The following IGF2R variants were observed in gnomAD, a reference collection of about 807,000 sequenced individuals.
IGF2R encodes the protein insulin like growth factor 2 receptor, also known as cation-independent mannose-6-phosphate receptor.
Under a neutral mutation model 270.6 loss-of-function variants are expected in IGF2R, and 91 were observed. The ratio of observed to expected loss-of-function variants is 0.34; its 90% CI spans 0.28 to 0.40. The LOEUF is 0.40. IGF2R is among the 10% of genes least tolerant of loss of function. The pLI is 1.00. For synonymous variants in IGF2R, 1,316 were observed against 1,258.9 expected (o/e 1.05, Z -0.96); for missense variants, 2,805 against 3,188.3 (o/e 0.88, Z 2.90).
At chr6:160,021,380 G>A (rs1562346096) in intron 4 of IGF2R, among the ~76,000 whole-genome samples, 1 of 145,816 alleles carries the variant, frequency 6.9e-6, no homozygotes, top group Admixed American at 7.1e-5. Context: ...ACTCATAGGT[G>A]GGAATTGAAC....
At position 160,047,814 on chromosome 6, in the gene IGF2R, A is replaced by C. The variant is rs768041177; in HGVS notation, c.2252A>C (p.Asn751Thr). Residue 751 changes from asparagine to threonine, a missense_variant, in exon 17 of 48, where the codon AAC becomes ACC. Physicochemically the swap from Asn to Thr is moderately conservative, Grantham distance 65. Coordinates refer to ENST00000356956, the MANE Select transcript of IGF2R (RefSeq NM_000876.4). ...TAGGAAGAGGATAACTCCACCTACA[A>C]CTTCCGGTGGTACACCAGCTATGCC... is the stretch of plus-strand genomic sequence containing the variant. ...EYQEEDNSTY[N>T]FRWYTSYACP... is the part of the protein sequence containing the mutation. The C allele has an allele frequency of 1.9e-6, 3 of 1,613,556 alleles. No homozygotes were observed. Among genetic ancestry groups the C allele is most frequent in the Middle Eastern group, 1.7e-4 (1 of 6,060 alleles).
rs376827974 is a variant in IGF2R, at chr6:160,089,295, A to G, written c.6467+42A>G. 111 of 1,560,606 alleles carry G rather than the reference A, an allele frequency of 7.1e-5. No individual in the cohort carries two copies. The Middle Eastern group carries it at 7.3e-4, about 10-fold the overall frequency. ...CCTTCTGAGCTGTGAAATGTGTTCA[A>G]AATTAAACCAGCAATGCCGCTCTTT... On this transcript the variant is annotated intron_variant, in intron 43 of 47. Coordinates refer to ENST00000356956, the MANE Select transcript of IGF2R (RefSeq NM_000876.4).
chr6:160,003,004 A>G (rs376611543), intron 2 of IGF2R, among the ~76,000 whole-genome samples: 33 of 152,332 alleles, frequency 2.2e-4, no homozygotes, highest in East Asian at 1.2e-3. Flanking sequence ...ACTAAGGAAC[A>G]GTGTTAATTG....
chr6:160,024,502 A>G lies in IGF2R; in HGVS notation c.514-70A>G, dbSNP rs1041264528. 2.8e-6 allele frequency: 4 copies of G among 1,453,686 alleles called. No homozygotes were observed. In the African/African-American group the frequency reaches 5.6e-5, roughly 20 times the overall value. The allele number at this position is 1,453,686 out of a possible 1,614,324, so 90.0% of individuals were successfully genotyped here. A position where few individuals can be genotyped will look rare whatever the true frequency, so the allele number is the denominator to read the frequency against. ...GGAATGGAGAGCAGTGTTGTGTGAC[A>G]TTGGTCATAAGCTTTTCTGATTGAC... is the stretch of plus-strand genomic sequence containing the variant. On this transcript the variant is annotated intron_variant, in intron 4 of 47. Transcript: ENST00000356956.
Position 160,096,523 on chromosome 6 carries a change from A to G in IGF2R, c.6740A>G (p.His2247Arg). The change falls in exon 45 of 48, where the codon CAC becomes CGC. Residue 2247 changes from histidine (H) to arginine (R), a missense_variant. Coordinates refer to ENST00000356956, the MANE Select transcript of IGF2R (RefSeq NM_000876.4). ...TCTGTTTCTTCCACCATCTTCTTCC[A>G]CTGTGACCCTCTGGTGGAGGACGGG... ...TKSVSSTIFF[H>R]CDPLVEDGIP... The G allele has an allele frequency of 6.2e-7, 1 of 1,614,022 alleles. No individual in the cohort carries two copies. The highest frequency in any genetic ancestry group is 8.5e-7 in the Non-Finnish European group (1 of 1,179,980).
At chr6:159,980,284 A>G (rs761388) in intron 1 of IGF2R, among the ~76,000 whole-genome samples, 25,117 of 150,628 alleles carry the variant, frequency 0.17, 2,847 homozygotes, top group East Asian at 0.46. Flanking sequence ...GGGAACTATG[A>G]GATCCCTAGG....
At chr6:159,999,430 G>T (rs1459246375) in intron 2 of IGF2R, among the ~76,000 whole-genome samples, 1 of 152,166 alleles carries the variant, frequency 6.6e-6, no homozygotes, top group Admixed American at 6.5e-5. Context: ...GGATTTGAAT[G>T]TGGACAGCCG....
Position 160,102,724 on chromosome 6 carries a change from T to C in IGF2R, c.6995+53T>C. On this transcript the variant is annotated intron_variant, in intron 46 of 47. Coordinates refer to ENST00000356956, the MANE Select transcript of IGF2R (RefSeq NM_000876.4). The surrounding 1 kb of genome is among the most constrained non-coding windows in gnomAD (Gnocchi z 4.5). ...CGGGTGGATGCATGCCTCCCATAGCTAATCTTGGGGTCAGTTTTGTGGGGT... is the reference window on the plus strand; with the variant it reads ...CGGGTGGATGCATGCCTCCCATAGCCAATCTTGGGGTCAGTTTTGTGGGGT... 6.6e-7 allele frequency: 1 copy of C among 1,526,708 alleles called. No individual in the cohort carries two copies. The highest frequency in any genetic ancestry group is 8.9e-7 in the Non-Finnish European group (1 of 1,125,174). The allele number at this position is 1,526,708 out of a possible 1,614,324, so 94.6% of individuals were successfully genotyped here.
At chr6:159,992,128 C>T (rs1054432943) in intron 2 of IGF2R, among the ~76,000 whole-genome samples, 1 of 152,152 alleles carries the variant, frequency 6.6e-6, no homozygotes, top group Non-Finnish European at 1.5e-5. Context: ...TGGTATATGA[C>T]TAGGGACTGT....
At chr6:160,008,490 C>A (rs896784620) in intron 2 of IGF2R, among the ~76,000 whole-genome samples, 5 of 152,052 alleles carry the variant, frequency 3.3e-5, no homozygotes, top group African/African-American at 1.2e-4. Flanking sequence ...CAGTAATGTC[C>A]TGGACAAGCA....
At chr6:160,067,532 T>C (rs898787859) in intron 29 of IGF2R, among the ~76,000 whole-genome samples, 1 of 152,244 alleles carries the variant, frequency 6.6e-6, no homozygotes, top group Non-Finnish European at 1.5e-5. Flanking sequence ...CTGTTTTGTT[T>C]AATACAGTAC....
Position 160,105,214 on chromosome 6 carries a change from G to C in IGF2R, c.*130G>C. 1.3e-6 allele frequency: 1 copy of C among 756,086 alleles called. No individual in the cohort carries two copies. Among genetic ancestry groups the C allele is most frequent in the Non-Finnish European group, 2.1e-6 (1 of 474,164 alleles). The allele number at this position is 756,086 out of a possible 1,614,324, so 46.8% of individuals were successfully genotyped here. A position where few individuals can be genotyped will look rare whatever the true frequency, so the allele number is the denominator to read the frequency against. On this transcript the variant is annotated 3_prime_UTR_variant, in exon 48 of 48. Transcript: ENST00000356956. ...AAACTTTCAAAAGGGAAGAGTTTTT[G>C]TGATGGGGGAGAGGGTGAAGGAGGT...
At chr6:160,022,659 C>T (rs1777465187) in intron 4 of IGF2R, among the ~76,000 whole-genome samples, 1 of 152,166 alleles carries the variant, frequency 6.6e-6, no homozygotes, top group Non-Finnish European at 1.5e-5. Context: ...AACCCTTGAC[C>T]TCAAGGAGCC....
intron 4 of IGF2R, among the ~76,000 whole-genome samples, chr6:160,023,555 C>CA (rs756578459): frequency 6.6e-6 from 1 of 152,204 alleles, no homozygotes; most frequent in Non-Finnish European, 1.5e-5. Flanking sequence ...TCAGGCCTTA[C>CA]AGCAGCCCCA....
intron 2 of IGF2R, among the ~76,000 whole-genome samples, chr6:159,995,646 T>A (rs1327753398): frequency 4.6e-5 from 7 of 152,192 alleles, no homozygotes; most frequent in Non-Finnish European, 8.8e-5. Context: ...TTGTAATTCC[T>A]ACAATGAATT....
intron 1 of IGF2R, among the ~76,000 whole-genome samples, chr6:159,986,222 T>C (rs1783880946): frequency 6.7e-6 from 1 of 149,658 alleles, no homozygotes; most frequent in Admixed American, 6.7e-5. Context: ...TTACCTATCC[T>C]GCTGCAGAAC....
At position 160,105,905 on chromosome 6, in the gene IGF2R, TTGTGTGTGTGTGTGTGTG is replaced by T. The variant is rs68155905; in HGVS notation, c.*838_*855del. 6.9e-6 allele frequency: 1 copy of T among 145,884 alleles called. No homozygotes were observed. Among genetic ancestry groups the T allele is most frequent in the Non-Finnish European group, 1.5e-5 (1 of 66,330 alleles). The allele number at this position is 145,884 out of a possible 1,614,324, so 9.0% of individuals were successfully genotyped here. On this transcript the variant is annotated 3_prime_UTR_variant, in exon 48 of 48. Transcript: ENST00000356956. Reference sequence around the variant, plus strand: ...CCTGCCCAAAGATTGATTTGTGTGTTTGTGTGTGTGTGTGTGTGTGTGTGTGTGTGTGTGAGTGGAGTT... The same window carrying T: ...CCTGCCCAAAGATTGATTTGTGTGTTTGTGTGTGTGTGTGTGAGTGGAGTT...
Position 160,050,631 on chromosome 6 carries a change from C to T in IGF2R, c.2673C>T (p.Leu891=), listed in dbSNP as rs761627129. Residue 891 remains leucine, a synonymous_variant, in exon 19 of 48, where the codon CTC becomes CTT. Coordinates refer to ENST00000356956, the MANE Select transcript of IGF2R (RefSeq NM_000876.4). This position sits in a 1 kb window ranked among gnomAD's most constrained non-coding sequence, Gnocchi z 4.0. ...RQTTYTTRIH[L]VCSRGRLNSH... is the part of the protein sequence containing the mutation. ...CCACATATACCACGAGGATCCATCT[C>T]GTCTGCTCCAGGGGCAGGCTGGTAA... 9.9e-6 allele frequency: 16 copies of T among 1,608,742 alleles called. No homozygotes were observed. Among genetic ancestry groups the T allele is most frequent in the Middle Eastern group, 1.7e-4 (1 of 6,058 alleles).
rs377195507 is a variant in IGF2R at position 160,089,254 on chromosome 6, G to T, written c.6467+1G>T. 6.2e-7 allele frequency: 1 copy of T among 1,604,710 alleles called. No individual in the cohort carries two copies. Among genetic ancestry groups the T allele is most frequent in the Non-Finnish European group, 8.5e-7 (1 of 1,173,818 alleles). On this transcript the variant is annotated splice_donor_variant, in intron 43 of 47. Transcript: ENST00000356956. LOFTEE classifies it high-confidence loss of function. ...TCAGCCTCGGAGATATTTATTTTAAGTAAGTAAAACGTTTTCCTTCTGAGC... is the reference window on the plus strand; with the variant it reads ...TCAGCCTCGGAGATATTTATTTTAATTAAGTAAAACGTTTTCCTTCTGAGC...
Sources: gnomAD v4.1 joint callset for allele counts (sites outside exome capture counted in the v4.1 genomes callset) on GRCh38, gnomAD v4.1.1 for gene constraint, Gnocchi (gnomAD v3.1) non-coding constraint, MANE v1.5 for transcripts, NCBI Gene and HGNC (gene_info 2026-07-23, HGNC 2026-07-21) for gene names.